Variants in CSMD3 observed in about 807,000 individuals in gnomAD.
CSMD3 encodes CUB and Sushi multiple domains 3.
In CSMD3, 177 loss-of-function variants were observed where a neutral mutation model predicts 435.2. The ratio of observed to expected loss-of-function variants is 0.41; its 90% CI spans 0.36 to 0.46. The LOEUF is 0.46. CSMD3 is among the 20% of genes least tolerant of loss of function. CSMD3 has a pLI of 0.34. For missense variants in CSMD3, 4,265 were observed against 4,504.6 expected (o/e 0.95, Z 1.52); for synonymous variants, 1,656 against 1,520.5 (o/e 1.09, Z -2.07).
intron 31 of CSMD3, among the ~76,000 whole-genome samples, chr8:112,487,517 T>A (rs1820256793): frequency 6.6e-6 from 1 of 152,178 alleles, no homozygotes; most frequent in Admixed American, 6.6e-5. Context: ...AGTAGAACTT[T>A]GGATTATAAG....
chr8:112,869,831 A>G (rs939813763), intron 10 of CSMD3, among the ~76,000 whole-genome samples: 2 of 152,300 alleles, frequency 1.3e-5, no homozygotes, highest in Middle Eastern at 3.4e-3. Context: ...AAGTTGAACA[A>G]TGAGAACACA....
intron 3 of CSMD3, among the ~76,000 whole-genome samples, chr8:113,209,145 G>A (rs1229197838): frequency 6.6e-6 from 1 of 152,104 alleles, no homozygotes; most frequent in East Asian, 1.9e-4. Context: ...ACAAAGATAG[G>A]AAAGGATCTG....
At chr8:112,863,699 A>G (rs983826012) in intron 10 of CSMD3, among the ~76,000 whole-genome samples, 5 of 152,110 alleles carry the variant, frequency 3.3e-5, no homozygotes, top group African/African-American at 1.2e-4. Flanking sequence ...TATTGAGTTC[A>G]AACATTATTT....
At chr8:113,256,269 CTGTT>C (rs1322420356) in intron 3 of CSMD3, among the ~76,000 whole-genome samples, 2 of 152,094 alleles carry the variant, frequency 1.3e-5, no homozygotes, top group African/African-American at 4.8e-5. Flanking sequence ...CAAATCTAAG[CTGTT>C]TGTTTTCTTT....
At chr8:112,240,642 T>C (rs1290994727) in intron 66 of CSMD3, among the ~76,000 whole-genome samples, 2 of 152,060 alleles carry the variant, frequency 1.3e-5, no homozygotes. Flanking sequence ...TATGCTCTTA[T>C]TGGCAGCTTT....
At chr8:113,233,671 A>G (rs1165934618) in intron 3 of CSMD3, among the ~76,000 whole-genome samples, 1 of 151,918 alleles carries the variant, frequency 6.6e-6, no homozygotes, top group African/African-American at 2.4e-5. Flanking sequence ...GCTGTTTATA[A>G]GAAACACTTA....
intron 53 of CSMD3, among the ~76,000 whole-genome samples, chr8:112,296,557 AAAT>A (rs1820301519): frequency 7.1e-6 from 1 of 140,980 alleles, no homozygotes. Flanking sequence ...CTCAAAAAAA[AAAT>A]AAATAAATAA....
intron 31 of CSMD3, among the ~76,000 whole-genome samples, chr8:112,488,573 A>G (rs1820372896): frequency 6.6e-6 from 1 of 152,218 alleles, no homozygotes; most frequent in African/African-American, 2.4e-5. Flanking sequence ...CCAGTCAGTC[A>G]CAGTTTCATC....
chr8:112,827,674 A>T (rs2079738911), intron 12 of CSMD3, among the ~76,000 whole-genome samples: 1 of 152,224 alleles, frequency 6.6e-6, no homozygotes, highest in Admixed American at 6.5e-5. Context: ...CAGGTAAAGA[A>T]ACAAACATAT....
intron 59 of CSMD3, among the ~76,000 whole-genome samples, chr8:112,279,262 T>C (rs1653072400): frequency 6.6e-6 from 1 of 152,204 alleles, no homozygotes; most frequent in Admixed American, 6.5e-5. Flanking sequence ...TCATAGATAC[T>C]GGGCCTCAAA....
At chr8:113,415,395 T>C (rs1355552446) in intron 1 of CSMD3, among the ~76,000 whole-genome samples, 7 of 152,166 alleles carry the variant, frequency 4.6e-5, no homozygotes, top group Non-Finnish European at 8.8e-5. Context: ...AGACCAGGCC[T>C]GTACAAAGAA....
chr8:113,168,760 T>C (rs62519805), intron 4 of CSMD3, among the ~76,000 whole-genome samples: 10,298 of 151,958 alleles, frequency 0.068, 495 homozygotes, highest in Non-Finnish European at 0.1. Flanking sequence ...TACTTTTCAG[T>C]TTTCTTTAAG....
intron 6 of CSMD3, among the ~76,000 whole-genome samples, chr8:112,993,148 A>G (rs1670736106): frequency 6.6e-6 from 1 of 151,806 alleles, no homozygotes; most frequent in South Asian, 2.1e-4. Flanking sequence ...AAAAATATCC[A>G]AATGGCTAAT....
intron 3 of CSMD3, among the ~76,000 whole-genome samples, chr8:113,193,584 T>C (rs1455329597): frequency 1.3e-5 from 2 of 151,488 alleles, no homozygotes; most frequent in Non-Finnish European, 3.0e-5. Context: ...TATATTCTTA[T>C]GCATTCATAC....
intron 2 of CSMD3, among the ~76,000 whole-genome samples, chr8:113,282,883 G>A (rs1191581000): frequency 2.0e-5 from 3 of 151,872 alleles, no homozygotes; most frequent in Admixed American, 2.0e-4. Flanking sequence ...ACATAAAAAT[G>A]GGCACATAGA....
At chr8:113,159,724 A>G (rs751318724) in intron 4 of CSMD3, among the ~76,000 whole-genome samples, 2 of 152,174 alleles carry the variant, frequency 1.3e-5, no homozygotes, top group Non-Finnish European at 1.5e-5. Context: ...CCATTATAAT[A>G]TCTATAGGAT....
In CSMD3 at chr8:112,265,596, A is replaced by G; in HGVS notation, c.9509-6T>C. ...TGGGTCTCCACAACTGATTACTGTC[A>G]GTATTGGATTAGAAGAGCAGATGGT... On this transcript the variant is annotated splice_polypyrimidine_tract_variant and splice_region_variant and intron_variant, in intron 59 of 70. Coordinates refer to ENST00000297405, the MANE Select transcript of CSMD3 (RefSeq NM_198123.2). 2.5e-6 allele frequency: 4 copies of G among 1,606,486 alleles called. No homozygotes were observed. The highest frequency in any genetic ancestry group is 3.4e-6 in the Non-Finnish European group (4 of 1,173,178).
chr8:113,093,406 T>G (rs1052236186), intron 5 of CSMD3, among the ~76,000 whole-genome samples: 4 of 151,922 alleles, frequency 2.6e-5, no homozygotes, highest in African/African-American at 9.7e-5. Context: ...AGAAAAGACA[T>G]CCCAGTGAAT....
chr8:113,030,484 A>T (rs1377857463), intron 5 of CSMD3, among the ~76,000 whole-genome samples: 1 of 150,168 alleles, frequency 6.7e-6, no homozygotes, highest in Admixed American at 6.6e-5. Context: ...TAGAGGATGC[A>T]GAAATAAACC....
Sources: allele counts gnomAD v4.1 joint callset (sites outside exome capture counted in the v4.1 genomes callset), GRCh38; gene constraint gnomAD v4.1.1; transcripts MANE v1.5; gene names NCBI Gene and HGNC (gene_info 2026-07-23, HGNC 2026-07-21).